The following CNTN4 variants were observed in gnomAD, a reference collection of about 807,000 sequenced individuals.
The protein encoded by CNTN4 is contactin-4.
In CNTN4, 77 loss-of-function variants were observed where a neutral mutation model predicts 122.5. The ratio of observed to expected loss-of-function variants is 0.63; its 90% CI spans 0.52 to 0.76. The LOEUF is 0.76. CNTN4 is among the 30% of genes least tolerant of loss of function. The pLI, the probability that CNTN4 is intolerant of heterozygous loss-of-function variation, is 0.00. For synonymous variants in CNTN4, 512 were observed against 447.0 expected, an observed-to-expected ratio of 1.15 and a Z score of -1.83; for missense variants, 1,256 against 1,259.1, an observed-to-expected ratio of 1.00 and a Z score of 0.04.
At chr3:2,515,910 A>G (rs2077026261) in intron 3 of CNTN4, among the ~76,000 whole-genome samples, 1 of 151,928 alleles carries the variant, frequency 6.6e-6, no homozygotes, top group Non-Finnish European at 1.5e-5. Flanking sequence ...AGTTGACTAT[A>G]TATATATACA....
At chr3:2,166,355 A>T (rs576111829) in intron 2 of CNTN4, among the ~76,000 whole-genome samples, 6 of 152,180 alleles carry the variant, frequency 3.9e-5, no homozygotes, top group African/African-American at 1.4e-4. Context: ...AAAGATAACA[A>T]GCAAGGGAAT....
intron 3 of CNTN4, among the ~76,000 whole-genome samples, chr3:2,529,162 T>G (rs533005693): frequency 5.6e-4 from 85 of 152,214 alleles, no homozygotes; most frequent in Non-Finnish European, 1.1e-3. Flanking sequence ...TTCTAGGAGA[T>G]CAACTTTTCT....
chr3:2,602,087 G>A (rs932880881), intron 4 of CNTN4, among the ~76,000 whole-genome samples: 12 of 152,026 alleles, frequency 7.9e-5, no homozygotes, highest in African/African-American at 1.4e-4. Context: ...TTGATGGAAC[G>A]TATCTCAAAA....
intron 2 of CNTN4, among the ~76,000 whole-genome samples, chr3:2,128,194 T>C (rs983610233): frequency 1.3e-5 from 2 of 152,334 alleles, no homozygotes; most frequent in East Asian, 3.9e-4. Context: ...GTTTCTTTTC[T>C]CATTGTTACA....
At position 2,098,866 on chromosome 3, in the gene CNTN4, G is replaced by GTTTTTTTT. The variant is rs890036902; in HGVS notation, c.-337_-336insTTTTTTTT. 2.0e-5 allele frequency: 3 copies of GTTTTTTTT among 152,166 alleles called. No homozygotes were observed. Among genetic ancestry groups the GTTTTTTTT allele is most frequent in the African/African-American group, 7.2e-5 (3 of 41,448 alleles). The allele number at this position is 152,166 out of a possible 1,614,324, so 9.4% of individuals were successfully genotyped here. A position where few individuals can be genotyped will look rare whatever the true frequency, so the allele number is the denominator to read the frequency against. On this transcript the variant is annotated 5_prime_UTR_variant, in exon 1 of 25. Transcript: ENST00000418658. ...AGCGCCGCGCCAGACGGAGCCCGGG[G>GTTTTTTTT]TTCGACGCCAGGATTGGCTGCAAGT...
intron 8 of CNTN4, among the ~76,000 whole-genome samples, chr3:2,871,539 A>T (rs1268417394): frequency 6.6e-6 from 1 of 151,984 alleles, no homozygotes; most frequent in Admixed American, 6.6e-5. Flanking sequence ...TAAAACATAG[A>T]GTTTTCAAAT....
intron 2 of CNTN4, among the ~76,000 whole-genome samples, chr3:2,164,166 A>T (rs555298642): frequency 3.3e-5 from 5 of 152,216 alleles, no homozygotes; most frequent in Admixed American, 2.0e-4. Context: ...CCCCACAACT[A>T]TTGAAATAAA....
At chr3:2,183,026 A>G (rs1247263089) in intron 2 of CNTN4, among the ~76,000 whole-genome samples, 1 of 152,172 alleles carries the variant, frequency 6.6e-6, no homozygotes, top group African/African-American at 2.4e-5. Context: ...TCTAACTCAT[A>G]TCTTCTCTGA....
In CNTN4 at chr3:3,037,320, A is replaced by C; in HGVS notation, c.2084A>C (p.Glu695Ala). ...PSRPSEKRRT[E>A]EALPEVTPAN... ...CGCCCCTCAGAGAAACGGAGAACAG[A>C]AGAAGCTCGTGAGTAGCACCCGAGA... The change falls in exon 18 of 25, where the codon GAA becomes GCA. Residue 695 changes from glutamate to alanine, a missense_variant. Physicochemically the swap from Glu to Ala is moderately radical, Grantham distance 107. Transcript: ENST00000418658. The C allele has an allele frequency of 6.2e-7, 1 of 1,614,198 alleles. No homozygotes were observed. The highest frequency in any genetic ancestry group is 2.2e-5 in the East Asian group (1 of 44,884).
At chr3:2,440,055 A>T (rs1421479703) in intron 3 of CNTN4, among the ~76,000 whole-genome samples, 1 of 152,216 alleles carries the variant, frequency 6.6e-6, no homozygotes, top group Non-Finnish European at 1.5e-5. Flanking sequence ...AAACCTGAAG[A>T]GCAGTTTTCT....
chr3:2,356,095 C>G (rs781375612), intron 3 of CNTN4, among the ~76,000 whole-genome samples: 2 of 152,070 alleles, frequency 1.3e-5, no homozygotes, highest in Non-Finnish European at 2.9e-5. Context: ...CTTCCTGTTG[C>G]TTACGTCATT....
intron 3 of CNTN4, among the ~76,000 whole-genome samples, chr3:2,380,488 A>C (rs996056237): frequency 2.0e-5 from 3 of 152,204 alleles, no homozygotes; most frequent in Admixed American, 6.5e-5. Context: ...TATGAATTTG[A>C]ATAGTAACGA....
At chr3:2,786,689 A>C (rs1315424016) in intron 6 of CNTN4, among the ~76,000 whole-genome samples, 3 of 152,226 alleles carry the variant, frequency 2.0e-5, no homozygotes, top group Non-Finnish European at 4.4e-5. Flanking sequence ...ATGTTCTGGA[A>C]ATTTTTTTAA....
chr3:2,732,369 G>A (rs1309173860), intron 4 of CNTN4, among the ~76,000 whole-genome samples: 1 of 152,136 alleles, frequency 6.6e-6, no homozygotes, highest in Non-Finnish European at 1.5e-5. Flanking sequence ...TAATAATGCA[G>A]GTGGTCTACA....
At chr3:2,120,370 T>A (rs1180054115) in intron 2 of CNTN4, among the ~76,000 whole-genome samples, 37 of 87,764 alleles carry the variant, frequency 4.2e-4, no homozygotes, top group African/African-American at 1.7e-3. Context: ...TATATATATA[T>A]ATAAATATAT....
chr3:2,317,106 A>G (rs921451699), intron 2 of CNTN4, among the ~76,000 whole-genome samples: 2 of 152,128 alleles, frequency 1.3e-5, no homozygotes, highest in African/African-American at 4.8e-5. Flanking sequence ...AATACTACCT[A>G]TTTTGTTAGC....
chr3:2,588,175 T>C (rs1255315672), intron 4 of CNTN4, among the ~76,000 whole-genome samples: 1 of 152,190 alleles, frequency 6.6e-6, no homozygotes, highest in African/African-American at 2.4e-5. Context: ...TATTAAAGCC[T>C]GGCACGTCCT....
At chr3:3,013,547 A>G (rs1270526474) in intron 14 of CNTN4, among the ~76,000 whole-genome samples, 2 of 152,066 alleles carry the variant, frequency 1.3e-5, no homozygotes, top group Admixed American at 6.5e-5. Flanking sequence ...AGGGTATCCT[A>G]TTGACCGCCA....
intron 2 of CNTN4, among the ~76,000 whole-genome samples, chr3:2,227,800 CCT>C (rs1369086908): frequency 3.3e-5 from 5 of 152,196 alleles, no homozygotes; most frequent in South Asian, 2.1e-4. Flanking sequence ...TAAATGAAGA[CCT>C]ATTTATTGAA....
Sources: allele counts gnomAD v4.1 joint callset (sites outside exome capture counted in the v4.1 genomes callset), GRCh38; gene constraint gnomAD v4.1.1; transcripts MANE v1.5; gene names NCBI Gene and HGNC (gene_info 2026-07-23, HGNC 2026-07-21).